GRB10: variants seen among roughly 807,000 people sequenced by gnomAD.
The protein encoded by GRB10 is growth factor receptor-bound protein 10.
In GRB10, 20 loss-of-function variants were observed where a neutral mutation model predicts 80.9. The observed-to-expected ratio is 0.25, with a 90% confidence interval of 0.17 to 0.36. The LOEUF is 0.36. GRB10 is among the 10% of genes least tolerant of loss of function. The pLI is 1.00. For missense variants in GRB10, 548 were observed against 747.7 expected, an observed-to-expected ratio of 0.73 and a Z score of 3.12; for synonymous variants, 291 against 291.5, an observed-to-expected ratio of 1.00 and a Z score of 0.02.
chr7:50,770,582 A>G (rs914087703), intron 2 of GRB10, among the ~76,000 whole-genome samples: 2 of 152,210 alleles, frequency 1.3e-5, no homozygotes, highest in African/African-American at 2.4e-5. Flanking sequence ...TCTTCAAGAT[A>G]GTAAGATACG....
chr7:50,684,192 G>C (rs1416063877), intron 5 of GRB10, among the ~76,000 whole-genome samples: 2 of 147,790 alleles, frequency 1.4e-5, no homozygotes. Context: ...TGGTAGCAAA[G>C]GCTAAAGTCT....
At chr7:50,748,509 A>G (rs2073426468) in intron 3 of GRB10, among the ~76,000 whole-genome samples, 1 of 152,226 alleles carries the variant, frequency 6.6e-6, no homozygotes, top group Admixed American at 6.5e-5. Context: ...AGGCTGGGAG[A>G]ATGCGGAGAA....
intron 7 of GRB10, among the ~76,000 whole-genome samples, chr7:50,648,927 A>G (rs190473104): frequency 1.2e-3 from 189 of 152,232 alleles, no homozygotes; most frequent in Non-Finnish European, 2.8e-4. Flanking sequence ...CTCCTGATGG[A>G]TGCATTGGTT....
chr7:50,644,383 C>T (rs2056814751), intron 7 of GRB10, among the ~76,000 whole-genome samples: 1 of 152,136 alleles, frequency 6.6e-6, no homozygotes, highest in African/African-American at 2.4e-5. Flanking sequence ...CTCAGGGACA[C>T]AGATAGGGAA....
intron 3 of GRB10, among the ~76,000 whole-genome samples, chr7:50,736,045 G>A (rs2070740070): frequency 6.6e-6 from 1 of 152,140 alleles, no homozygotes; most frequent in Admixed American, 6.5e-5. Context: ...CTAGCACTTT[G>A]GAGACCAAGG....
chr7:50,647,842 C>T (rs537308173), intron 7 of GRB10, among the ~76,000 whole-genome samples: 2 of 152,076 alleles, frequency 1.3e-5, no homozygotes, highest in Non-Finnish European at 2.9e-5. Context: ...GCTGGGGTGG[C>T]GTGAAACTCA....
intron 4 of GRB10, among the ~76,000 whole-genome samples, chr7:50,717,494 A>G (rs984510027): frequency 1.3e-5 from 2 of 152,236 alleles, no homozygotes; most frequent in Non-Finnish European, 2.9e-5. Context: ...AGTCACATAT[A>G]TATGTATATA....
intron 7 of GRB10, among the ~76,000 whole-genome samples, chr7:50,642,110 G>A (rs1282236011): frequency 2.6e-5 from 4 of 152,130 alleles, no homozygotes; most frequent in Non-Finnish European, 5.9e-5. Context: ...GGGTCCTGTT[G>A]CATTCCACTC....
At chr7:50,597,863 C>A (rs1301264013) in intron 17 of GRB10, among the ~76,000 whole-genome samples, 4 of 152,202 alleles carry the variant, frequency 2.6e-5, no homozygotes, top group Admixed American at 2.6e-4. Flanking sequence ...AGAAGGGGAA[C>A]AACACCTCTT....
intron 4 of GRB10, among the ~76,000 whole-genome samples, chr7:50,709,585 G>A (rs1413842831): frequency 1.6e-5 from 1 of 62,306 alleles, no homozygotes; most frequent in Non-Finnish European, 3.6e-5. Context: ...CCCCCACCCC[G>A]CGCCCTCCGG....
At chr7:50,594,393 T>G (rs1192985296) in intron 18 of GRB10, among the ~76,000 whole-genome samples, 1 of 152,174 alleles carries the variant, frequency 6.6e-6, no homozygotes, top group Non-Finnish European at 1.5e-5. Context: ...TGGCTGCCAG[T>G]CACTACACGA....
intron 3 of GRB10, among the ~76,000 whole-genome samples, chr7:50,748,714 G>A (rs184288378): frequency 8.9e-4 from 135 of 152,274 alleles, no homozygotes; most frequent in African/African-American, 3.0e-3. Flanking sequence ...GGCGGGGACC[G>A]AGGCCTTTGG....
At chr7:50,760,613 TA>T (rs1447940390) in intron 2 of GRB10, among the ~76,000 whole-genome samples, 1 of 152,204 alleles carries the variant, frequency 6.6e-6, no homozygotes, top group Non-Finnish European at 1.5e-5. Context: ...CATCATCTAG[TA>T]AAATGCACCC....
intron 8 of GRB10, among the ~76,000 whole-genome samples, chr7:50,625,772 G>A (rs946351773): frequency 1.3e-5 from 2 of 152,210 alleles, no homozygotes; most frequent in African/African-American, 2.4e-5. Flanking sequence ...AGTACAGGGC[G>A]CATTAGAAAA....
intron 14 of GRB10, 115 bp downstream of exon 14, chr7:50,606,220 GCA>G (rs1331905312): frequency 2.2e-5 from 19 of 861,556 alleles, no homozygotes; most frequent in Non-Finnish European, 3.6e-5. Flanking sequence ...TCCCTGAAAT[GCA>G]CACACACTCT....
chr7:50,736,869 C>A (rs2329493), intron 3 of GRB10, among the ~76,000 whole-genome samples: 15,024 of 152,196 alleles, frequency 0.099, 2,439 homozygotes, highest in African/African-American at 0.34. Context: ...TCTAAACTTA[C>A]ACCATAAGCA....
At chr7:50,717,622 G>A (rs768983665) in intron 4 of GRB10, among the ~76,000 whole-genome samples, 15 of 152,324 alleles carry the variant, frequency 9.8e-5, no homozygotes, top group Non-Finnish European at 1.6e-4. Flanking sequence ...CACCACTGAA[G>A]CTACAAAACA....
At chr7:50,717,732 G>C (rs2067087876) in intron 4 of GRB10, among the ~76,000 whole-genome samples, 1 of 152,184 alleles carries the variant, frequency 6.6e-6, no homozygotes, top group Non-Finnish European at 1.5e-5. Context: ...TTATCAACCA[G>C]GTGTTTAGAT....
At chr7:50,746,647 G>A (rs1373157773) in intron 3 of GRB10, among the ~76,000 whole-genome samples, 1 of 152,136 alleles carries the variant, frequency 6.6e-6, no homozygotes, top group Non-Finnish European at 1.5e-5. Flanking sequence ...TTCACCCTCA[G>A]CTACTCACTT....
Sources: gnomAD v4.1 joint callset for allele counts (sites outside exome capture counted in the v4.1 genomes callset) on GRCh38, gnomAD v4.1.1 for gene constraint, MANE v1.5 for transcripts, NCBI Gene and HGNC (gene_info 2026-07-23, HGNC 2026-07-21) for gene names.